Variants in ADAM33 observed in about 807,000 individuals in gnomAD.
ADAM33 encodes ADAM metallopeptidase domain 33, also known as disintegrin and metalloproteinase domain-containing protein 33.
Under a neutral mutation model 106.2 loss-of-function variants are expected in ADAM33, and 103 were observed. That is an observed-to-expected ratio of 0.97 (90% CI 0.83 to 1.14). The LOEUF (loss-of-function observed/expected upper bound fraction) is 1.14, where lower values mean the gene tolerates loss of function less well. Among genes scored for constraint, ADAM33 ranks in the 50% most tolerant of loss-of-function variants. ADAM33 has a pLI of 0.00. For missense variants in ADAM33, 1,120 were observed against 1,096.6 expected (o/e 1.02, Z -0.30); for synonymous variants, 483 against 453.0 (o/e 1.07, Z -0.84).
chr20:3,681,566 G>C (rs530719258), intron 1 of ADAM33, among the ~76,000 whole-genome samples: 8 of 151,932 alleles, frequency 5.3e-5, no homozygotes, highest in Admixed American at 3.9e-4. Flanking sequence ...ATGGAAGCTG[G>C]TTGTGAGAGC....
intron 2 of ADAM33, 80 bp from the exon 3 acceptor site, chr20:3,677,223 G>A (rs573974033): frequency 2.4e-5 from 31 of 1,276,354 alleles, no homozygotes; most frequent in South Asian, 9.3e-5. Flanking sequence ...CTGTGGAGCC[G>A]GCTGGGGAGG....
At chr20:3,677,450 G>A (rs770332776) in intron 2 of ADAM33, among the ~76,000 whole-genome samples, 13 of 152,262 alleles carry the variant, frequency 8.5e-5, no homozygotes, top group Non-Finnish European at 1.5e-4. Context: ...CCCCTGGCCC[G>A]CCCTCTTCTT....
chr20:3,679,648 T>G (rs779252801), intron 1 of ADAM33, 77 bp from the exon 2 acceptor site: 7 of 1,300,272 alleles, frequency 5.4e-6, no homozygotes, highest in Non-Finnish European at 6.5e-6. Context: ...GGGAGGGGGG[T>G]AGAGGACATC....
chr20:3,671,958 A>C lies in ADAM33; in HGVS notation c.1625T>G (p.Phe542Cys), dbSNP rs1346348330. 1 of 1,556,110 alleles carries C rather than the reference A, an allele frequency of 6.4e-7. No individual in the cohort carries two copies. The highest frequency in any genetic ancestry group is 1.4e-5 in the African/African-American group (1 of 73,526). The part of the protein sequence containing the change: ...PGSHPAPEAC[F>C]QVVNSAGDAH... ...ATCTCCCGCAGAGTTCACCACCTGGAAACAGGCCTCGGGAGCTGGGTGGGA... is the reference window on the plus strand; with the variant it reads ...ATCTCCCGCAGAGTTCACCACCTGGCAACAGGCCTCGGGAGCTGGGTGGGA... The change falls in exon 15 of 22, where the codon TTC becomes TGC. Residue 542 changes from phenylalanine to cysteine, a missense_variant. Physicochemically the swap from Phe to Cys is radical, Grantham distance 205. Transcript: ENST00000356518.
In ADAM33 at chr20:3,674,057, C is replaced by CACGTAGTTGG; in HGVS notation, c.738+6_738+7insCCAACTACGT. The stretch of plus-strand genomic sequence containing the variant: ...CCCATCACCGCTCTCTCCCCGCCGC[C>CACGTAGTTGG]CCCAACCTGGTCCACGTAGTTGGCG... On this transcript the variant is annotated splice_region_variant and intron_variant, in intron 8 of 21. Coordinates refer to ENST00000356518, the MANE Select transcript of ADAM33 (RefSeq NM_025220.5). 1 of 1,614,124 alleles carries CACGTAGTTGG rather than the reference C, an allele frequency of 6.2e-7. No individual in the cohort carries two copies. Among genetic ancestry groups the CACGTAGTTGG allele is most frequent in the Non-Finnish European group, 8.5e-7 (1 of 1,180,020 alleles).
intron 6 of ADAM33, 104 bp from the exon 7 acceptor site, chr20:3,674,388 G>C: frequency 6.2e-7 from 1 of 1,602,318 alleles, no homozygotes; most frequent in Non-Finnish European, 8.5e-7. Context: ...TCTGGAACTT[G>C]TTTCTTCAGA....
At chr20:3,676,071 T>G (rs1345997174) in intron 3 of ADAM33, among the ~76,000 whole-genome samples, 1 of 152,234 alleles carries the variant, frequency 6.6e-6, no homozygotes, top group Non-Finnish European at 1.5e-5. Context: ...ACGTGTCAAG[T>G]GCTCAGAACA....
Position 3,675,025 on chromosome 20 carries a change from AC to A in ADAM33, c.333+1del. On this transcript the variant is annotated splice_donor_variant, in intron 4 of 21. Transcript: ENST00000356518. LOFTEE classifies it high-confidence loss of function. The surrounding 1 kb of genome is among the most constrained non-coding windows in gnomAD (Gnocchi z 4.1). ...ATCCCAGAGCCCATGGAAGCATCTCACCGTGTGGTTGGGGGCCAGCACCACT... is the reference window on the plus strand; with the variant it reads ...ATCCCAGAGCCCATGGAAGCATCTCACGTGTGGTTGGGGGCCAGCACCACT... 6.2e-7 allele frequency: 1 copy of A among 1,611,500 alleles called. No homozygotes were observed. The highest frequency in any genetic ancestry group is 8.5e-7 in the Non-Finnish European group (1 of 1,178,282).
rs1169855423 is a variant in ADAM33 at position 3,669,555 on chromosome 20, A to C, written c.2323T>G (p.Trp775Gly). Residue 775 changes from tryptophan (W) to glycine (G), a missense_variant, in exon 20 of 22, where the codon TGG becomes GGG. Physicochemically the swap from Trp to Gly is radical, Grantham distance 184. Transcript: ENST00000356518. The stretch of plus-strand genomic sequence containing the variant: ...CTGGTGCCTCACTCACCCAGGGGCC[A>C]GGGCTGTCCAGTGGCTGTGGGGCCC... ...ELGPTATGQP[W>G]PLDPENSHEP... 5 of 1,593,824 alleles carry C rather than the reference A, an allele frequency of 3.1e-6. No homozygotes were observed. The South Asian group carries it at 5.7e-5, about 18-fold the overall frequency.
At chr20:3,670,193 G>A (rs1396739119) in intron 19 of ADAM33, 8 of 178,470 alleles carry the variant, frequency 4.5e-5, no homozygotes, top group African/African-American at 1.2e-4. Context: ...TTGCTCCTCT[G>A]CCCACAGACC....
chr20:3,679,178 A>C (rs1350152831), intron 2 of ADAM33, among the ~76,000 whole-genome samples: 3 of 94,896 alleles, frequency 3.2e-5, no homozygotes, highest in African/African-American at 8.9e-5. Context: ...AAGCTTCAGG[A>C]CCCACAAACT....
chr20:3,681,396 G>T (rs1014199870), intron 1 of ADAM33, among the ~76,000 whole-genome samples: 1 of 152,184 alleles, frequency 6.6e-6, no homozygotes, highest in Non-Finnish European at 1.5e-5. Flanking sequence ...TGGGAGGAGG[G>T]ACGAGGGGTG....
chr20:3,672,140 C>T lies in ADAM33; in HGVS notation c.1591G>A (p.Gly531Arg). ...GGTGCTCGTGTCCTCTCACCAGGCC[C>T]CCAGAGCTGCTGGCACTGCTGCTCC... is the stretch of plus-strand genomic sequence containing the variant. ...TLEQQCQQLWGPGSHPAPEAC... is the reference protein window; with the variant it reads ...TLEQQCQQLWRPGSHPAPEAC... The change falls in exon 14 of 22, where the codon GGG becomes AGG. Residue 531 changes from glycine to arginine, a missense_variant. Gly to Arg is a moderately radical substitution (Grantham distance 125, BLOSUM62 -2). Transcript: ENST00000356518. 6.2e-7 allele frequency: 1 copy of T among 1,610,828 alleles called. No homozygotes were observed. The highest frequency in any genetic ancestry group is 8.5e-7 in the Non-Finnish European group (1 of 1,178,488).
At chr20:3,674,306 C>T (rs760240508) in intron 6 of ADAM33, 22 bp from the exon 7 acceptor site, 1 of 1,613,526 alleles carries the variant, frequency 6.2e-7, no homozygotes, top group Non-Finnish European at 8.5e-7. Context: ...CAAATGGGGA[C>T]CCTGAGTGGA....
rs41496446 is a variant in ADAM33, at chr20:3,669,137, G to T, written c.2405-137C>A. On this transcript the variant is annotated intron_variant, in intron 21 of 21. Coordinates refer to ENST00000356518, the MANE Select transcript of ADAM33 (RefSeq NM_025220.5). ...CAGCTTCTCCCTCCCCAGCCCAGGG[G>T]CTTCCAGCATCCTGGTCTGCATGAT... 4.0e-6 allele frequency: 5 copies of T among 1,237,368 alleles called. No homozygotes were observed. In the East Asian group the frequency reaches 1.2e-4, roughly 29 times the overall value. 76.6% of individuals were successfully genotyped at this position (1,237,368 alleles called of 1,614,324 possible).
chr20:3,669,445 G>A, intron 20 of ADAM33, 75 bp from the exon 21 acceptor site: 1 of 1,551,498 alleles, frequency 6.4e-7, no homozygotes, highest in Non-Finnish European at 8.7e-7. Context: ...GGGGCATAGG[G>A]GACTCAAGGT....
At chr20:3,673,177 G>T in intron 11 of ADAM33, 177 bp downstream of exon 11, 1 of 1,517,376 alleles carries the variant, frequency 6.6e-7, no homozygotes. Context: ...ATACCGTTGA[G>T]AATCCACTTT....
In ADAM33 at chr20:3,671,651, A is replaced by G. The variant is rs41453444; in HGVS notation, c.1835T>C (p.Leu612Pro). 1.2e-4 allele frequency: 195 copies of G among 1,579,076 alleles called. 1 individual carries two copies. Among genetic ancestry groups the G allele is most frequent in the Admixed American group, 8.6e-4 (47 of 54,734 alleles). ...AAGCAGGTCCAGCTGGGCACTGGGG[A>G]GTGCCAAGGCTCCCCGACAAGTCAC... is the stretch of plus-strand genomic sequence containing the variant. Reference protein sequence around the residue: ...QEVTCRGALALPSAQLDLLGL... With the variant: ...QEVTCRGALAPPSAQLDLLGL... Residue 612 changes from leucine to proline, a missense_variant, in exon 16 of 22, where the codon CTC becomes CCC. Leu to Pro is a moderately conservative substitution (Grantham distance 98, BLOSUM62 -3). Coordinates refer to ENST00000356518, the MANE Select transcript of ADAM33 (RefSeq NM_025220.5).
chr20:3,674,155 G>A lies in ADAM33; in HGVS notation c.667-20C>T, dbSNP rs761446268. The stretch of plus-strand genomic sequence containing the variant: ...CAAGAACTGGGAAGGCAGAAATCCC[G>A]GTGGCTTGAGGGGCTGAGCTGGCCC... On this transcript the variant is annotated intron_variant, in intron 7 of 21. Transcript: ENST00000356518. 7 of 1,614,172 alleles carry A rather than the reference G, an allele frequency of 4.3e-6. No individual in the cohort carries two copies. The highest frequency in any genetic ancestry group is 1.1e-5 in the South Asian group (1 of 91,086).
Sources: gnomAD v4.1 joint callset for allele counts (sites outside exome capture counted in the v4.1 genomes callset) on GRCh38, gnomAD v4.1.1 for gene constraint, Gnocchi (gnomAD v3.1) non-coding constraint, MANE v1.5 for transcripts, NCBI Gene and HGNC (gene_info 2026-07-23, HGNC 2026-07-21) for gene names.